PIK3C3: variants seen among roughly 807,000 people sequenced by gnomAD.
PIK3C3 encodes the protein PI3-kinase type 3.
In PIK3C3, 95 loss-of-function variants were observed where a neutral mutation model predicts 126.1. The observed-to-expected ratio is 0.75, with a 90% CI of 0.64 to 0.89. The LOEUF is 0.89. Among genes scored for constraint, PIK3C3 ranks in the 40% least tolerant of loss-of-function variants. The pLI is 0.00. For missense variants in PIK3C3, 829 were observed against 1,063.2 expected (o/e 0.78, Z 3.06); for synonymous variants, 374 against 360.0 (o/e 1.04, Z -0.44).
chr18:42,008,040 T>C (rs1982633536), intron 10 of PIK3C3, among the ~76,000 whole-genome samples: 1 of 152,184 alleles, frequency 6.6e-6, no homozygotes, highest in Admixed American at 6.5e-5. Context: ...CTTTTGACAC[T>C]CGTTCATATC....
chr18:42,079,041 T>C (rs757262251), intron 24 of PIK3C3, among the ~76,000 whole-genome samples: 37 of 152,244 alleles, frequency 2.4e-4, no homozygotes, highest in Admixed American at 5.2e-4. Flanking sequence ...GAGTAGCATT[T>C]TAATTTCCTT....
chr18:42,002,763 T>A (rs958545853), intron 9 of PIK3C3, among the ~76,000 whole-genome samples: 1 of 152,160 alleles, frequency 6.6e-6, no homozygotes, highest in Non-Finnish European at 1.5e-5. Flanking sequence ...ATGAAATGAT[T>A]AGAAGAGAAA....
At chr18:42,068,949 CAAA>C (rs35657662) in intron 24 of PIK3C3, among the ~76,000 whole-genome samples, 9 of 82,246 alleles carry the variant, frequency 1.1e-4, no homozygotes, top group African/African-American at 1.6e-4. Flanking sequence ...GACTCCGTCT[CAAA>C]AAAAAAAAAA....
rs1442287021 is a variant in PIK3C3, at chr18:42,015,486, A to G, written c.1336A>G (p.Ile446Val). ...TTATTACTTTTTCAGCTCCCAAATTATAACCAGCCCCCTTCCTTCAGTCTC... is the reference window on the plus strand; with the variant it reads ...TTATTACTTTTTCAGCTCCCAAATTGTAACCAGCCCCCTTCCTTCAGTCTC... ...NSAEIDSSQI[I>V]TSPLPSVSSP... Residue 446 changes from isoleucine (I) to valine (V), a missense_variant, in exon 12 of 25, where the codon ATA becomes GTA. This residue lies in a region of PIK3C3 where 256 missense variants were observed against 291.0 expected (regional missense o/e 0.88). Coordinates refer to ENST00000262039, the MANE Select transcript of PIK3C3 (RefSeq NM_002647.4). 1 of 1,613,342 alleles carries G rather than the reference A, an allele frequency of 6.2e-7. No homozygotes were observed. The highest frequency in any genetic ancestry group is 8.5e-7 in the Non-Finnish European group (1 of 1,179,584).
intron 24 of PIK3C3, among the ~76,000 whole-genome samples, chr18:42,080,009 G>A (rs1486496054): frequency 6.6e-6 from 1 of 151,442 alleles, no homozygotes; most frequent in Non-Finnish European, 1.5e-5. Flanking sequence ...GTGTGTGTGT[G>A]TGTGTGTGTG....
chr18:42,049,464 A>T, intron 20 of PIK3C3, 67 bp from the exon 21 acceptor site: 1 of 1,173,586 alleles, frequency 8.5e-7, no homozygotes, highest in Non-Finnish European at 1.2e-6. Context: ...AACTGCTTTT[A>T]TATTCAGTAG....
At chr18:41,956,709 C>T (rs977358863) in intron 1 of PIK3C3, among the ~76,000 whole-genome samples, 5 of 152,086 alleles carry the variant, frequency 3.3e-5, no homozygotes, top group African/African-American at 1.2e-4. Flanking sequence ...AGCCTAAGTA[C>T]TCTTGAGACT....
intron 16 of PIK3C3, among the ~76,000 whole-genome samples, chr18:42,035,538 A>G (rs1277840895): frequency 6.6e-6 from 1 of 152,046 alleles, no homozygotes. Flanking sequence ...AGTCTTGATT[A>G]TTTTTCTTTC....
chr18:41,978,233 G>T (rs1385450091), intron 4 of PIK3C3, among the ~76,000 whole-genome samples: 1 of 152,184 alleles, frequency 6.6e-6, no homozygotes, highest in African/African-American at 2.4e-5. Flanking sequence ...GGGATTACAG[G>T]CATAAGCCAC....
At chr18:42,017,204 C>A (rs1983115617) in intron 12 of PIK3C3, among the ~76,000 whole-genome samples, 2 of 152,084 alleles carry the variant, frequency 1.3e-5, no homozygotes, top group African/African-American at 4.8e-5. Context: ...CACAATCAAG[C>A]TGAATTACCT....
chr18:42,069,116 G>C (rs563304870), intron 24 of PIK3C3, among the ~76,000 whole-genome samples: 2 of 152,194 alleles, frequency 1.3e-5, no homozygotes, highest in African/African-American at 4.8e-5. Flanking sequence ...CTAGATGTTA[G>C]CTTATACTCT....
At chr18:42,030,653 A>G (rs1983780855) in intron 15 of PIK3C3, among the ~76,000 whole-genome samples, 2 of 152,158 alleles carry the variant, frequency 1.3e-5, no homozygotes, top group Non-Finnish European at 1.5e-5. Flanking sequence ...TTGAGTTGAC[A>G]TTTTCTTTGT....
intron 3 of PIK3C3, among the ~76,000 whole-genome samples, chr18:41,964,656 T>C (rs1339654579): frequency 6.6e-6 from 1 of 152,156 alleles, no homozygotes; most frequent in Non-Finnish European, 1.5e-5. Flanking sequence ...TATTAGTCTT[T>C]CTTTTAAAAT....
At chr18:42,022,063 T>C (rs958972706) in intron 13 of PIK3C3, among the ~76,000 whole-genome samples, 1 of 152,214 alleles carries the variant, frequency 6.6e-6, no homozygotes, top group Non-Finnish European at 1.5e-5. Flanking sequence ...ATTCTCCCAC[T>C]CTCCAGAGGT....
rs1986293683 is a variant in PIK3C3 at position 42,082,725 on chromosome 18, T to A, written c.*1588T>A. The A allele has an allele frequency of 6.6e-6, 1 of 152,178 alleles. No homozygotes were observed. 9.4% of individuals were successfully genotyped at this position (152,178 alleles called of 1,614,324 possible). A position where few individuals can be genotyped will look rare whatever the true frequency, so the allele number is the denominator to read the frequency against. Reference sequence around the variant, plus strand: ...ACACTTGCATCTCCTATTTCAGGATTTGGCATACTTTTTCTTTAATGGGCT... The same window carrying A: ...ACACTTGCATCTCCTATTTCAGGATATGGCATACTTTTTCTTTAATGGGCT... On this transcript the variant is annotated 3_prime_UTR_variant, in exon 25 of 25. Transcript: ENST00000262039.
intron 20 of PIK3C3, among the ~76,000 whole-genome samples, chr18:42,047,052 G>A (rs924169642): frequency 1.3e-5 from 2 of 152,126 alleles, no homozygotes; most frequent in African/African-American, 2.4e-5. Context: ...TTAGGATTAA[G>A]CATAATTCAT....
intron 13 of PIK3C3, among the ~76,000 whole-genome samples, chr18:42,020,955 T>A (rs1983296067): frequency 6.6e-6 from 1 of 152,224 alleles, no homozygotes; most frequent in Non-Finnish European, 1.5e-5. Flanking sequence ...GGGTAATGGG[T>A]ACTTTCAGTT....
chr18:42,026,653 T>G (rs1362699809), intron 13 of PIK3C3: 1 of 152,074 alleles, frequency 6.6e-6, no homozygotes, highest in Non-Finnish European at 1.5e-5. Flanking sequence ...TAGAGGCTGG[T>G]CTCAAACTCC....
At position 42,087,506 on chromosome 18, in the gene PIK3C3, T is replaced by G. The variant is rs1986422513; in HGVS notation, c.*6369T>G. On this transcript the variant is annotated 3_prime_UTR_variant, in exon 25 of 25. Transcript: ENST00000262039. ...AAAATGTCTAGTCCTTAGTTTCTGCTGGCATTCACCCATGCAAGCTGCCAG... is the reference window on the plus strand; with the variant it reads ...AAAATGTCTAGTCCTTAGTTTCTGCGGGCATTCACCCATGCAAGCTGCCAG... The G allele has an allele frequency of 6.6e-6, 1 of 152,202 alleles. No homozygotes were observed. Among genetic ancestry groups the G allele is most frequent in the African/African-American group, 2.4e-5 (1 of 41,452 alleles). The allele number at this position is 152,202 out of a possible 1,614,324, so 9.4% of individuals were successfully genotyped here.
Sources: gnomAD v4.1 joint callset for allele counts (sites outside exome capture counted in the v4.1 genomes callset) on GRCh38, gnomAD v4.1.1 for gene constraint, gnomAD v4.1.1 regional missense constraint, MANE v1.5 for transcripts, NCBI Gene and HGNC (gene_info 2026-07-23, HGNC 2026-07-21) for gene names.